The following GSN variants were observed in gnomAD, a reference collection of about 807,000 sequenced individuals.
The protein encoded by GSN is actin-depolymerizing factor.
In GSN, 56 loss-of-function variants were observed where a neutral mutation model predicts 85.7. The observed-to-expected ratio is 0.65, with a 90% confidence interval of 0.53 to 0.82. The LOEUF is 0.82. GSN is among the 40% of genes least tolerant of loss of function. The pLI, the probability that GSN is intolerant of heterozygous loss-of-function variation, is 0.00. For missense variants in GSN, 857 were observed against 979.8 expected, an observed-to-expected ratio of 0.87 and a Z score of 1.67; for synonymous variants, 373 against 399.1, an observed-to-expected ratio of 0.93 and a Z score of 0.78.
intron 6 of GSN, among the ~76,000 whole-genome samples, chr9:121,256,935 G>A (rs1178847735): frequency 6.6e-6 from 1 of 152,024 alleles, no homozygotes; most frequent in African/African-American, 2.4e-5. Flanking sequence ...GAATTTGATA[G>A]TACAGTAAAT....
intron 5 of GSN, chr9:121,239,589 A>G (rs892809028): frequency 7.3e-6 from 2 of 275,396 alleles, no homozygotes; most frequent in African/African-American, 2.3e-5. Context: ...AATACTGTTC[A>G]TACCAACTAT....
chr9:121,298,211 A>T (rs2059398160), intron 2 of GSN, among the ~76,000 whole-genome samples: 1 of 151,844 alleles, frequency 6.6e-6, no homozygotes. Context: ...TGTGTTTCAT[A>T]CTGGACCCCT....
rs530946424 is a variant in GSN at position 121,234,658 on chromosome 9, C to T, written c.-389+3355C>T. Reference sequence around the variant, plus strand: ...CCTCAGGCTGTGGTGCTGGTGGAGGCACGAAGGGCAGGGAAAGCAAATCCA... The same window carrying T: ...CCTCAGGCTGTGGTGCTGGTGGAGGTACGAAGGGCAGGGAAAGCAAATCCA... On this transcript the variant is annotated intron_variant, in intron 5 of 24. Coordinates refer to the GSN transcript ENST00000373823. 7.9e-5 allele frequency among the ~76,000 whole-genome samples: 12 copies of T among 152,210 alleles called. No individual in the cohort carries two copies. The East Asian group carries it at 2.3e-3, about 29-fold the overall frequency.
At chr9:121,260,311 C>T (rs1038435712) in intron 6 of GSN, among the ~76,000 whole-genome samples, 18 of 152,210 alleles carry the variant, frequency 1.2e-4, no homozygotes, top group Non-Finnish European at 8.8e-5. Context: ...AAATCTCCAT[C>T]GGGGAAACGT....
At chr9:121,282,693 G>A in intron 2 of GSN, 6 of 422,382 alleles carry the variant, frequency 1.4e-5, no homozygotes, top group Non-Finnish European at 2.6e-5. Context: ...CCCTAGTGCT[G>A]CCCTAATAGG....
intron 1 of GSN, among the ~76,000 whole-genome samples, chr9:121,276,619 C>G (rs752291468): frequency 9.9e-5 from 15 of 152,238 alleles, no homozygotes; most frequent in Admixed American, 2.0e-4. Context: ...TGGCTCTACC[C>G]TCTCACTTCA....
Position 121,314,040 on chromosome 9 carries a change from C to T in GSN, c.753+17C>T. The T allele has an allele frequency of 1.3e-6, 2 of 1,588,394 alleles. No homozygotes were observed. The highest frequency in any genetic ancestry group is 1.1e-5 in the South Asian group (1 of 90,636). ...CTCTACAAGGTGAGCACCAGATGCACTGTCTGCCTGGGCATGGGGTCAGGA... is the reference window on the plus strand; with the variant it reads ...CTCTACAAGGTGAGCACCAGATGCATTGTCTGCCTGGGCATGGGGTCAGGA... On this transcript the variant is annotated intron_variant, in intron 7 of 17. Transcript: ENST00000432226.
chr9:121,236,169 C>G (rs754106203), intron 5 of GSN, among the ~76,000 whole-genome samples: 1 of 152,112 alleles, frequency 6.6e-6, no homozygotes, highest in African/African-American at 2.4e-5. Context: ...CTCTAATTCT[C>G]TCTTTTTTTT....
Position 121,224,321 on chromosome 9 carries a change from G to A in GSN, c.-527-6844G>A, listed in dbSNP as rs547400676. Among the ~76,000 whole-genome samples, 191 of 151,494 alleles carry A rather than the reference G, an allele frequency of 1.3e-3. 1 individual carries two copies. The highest frequency in any genetic ancestry group is 0.011 in the Admixed American group (174 of 15,250). On this transcript the variant is annotated intron_variant, in intron 4 of 24. Coordinates refer to the GSN transcript ENST00000373823. ...TTACTGTGTTAGCCAGGATGGTCTC[G>A]ATCTCTTGACCTTGTGATCTGCCTG...
intron 2 of GSN, chr9:121,285,065 A>T (rs2057907241): frequency 6.0e-6 from 1 of 167,154 alleles, no homozygotes; most frequent in Non-Finnish European, 1.5e-5. Context: ...TGGGCCTGAA[A>T]CATCACCGTA....
rs2133841403 is a variant in GSN, at chr9:121,324,792, TC to T, written c.1416+150del. The T allele has an allele frequency of 7.5e-6, 5 of 668,436 alleles. No homozygotes were observed. The South Asian group carries it at 7.9e-5, about 11-fold the overall frequency. The allele number at this position is 668,436 out of a possible 1,614,324, so 41.4% of individuals were successfully genotyped here. ...ATCCATCCATCCATCCATCCATCCATCCATGGAACAGGTATTTATTTAGGGC... is the reference window on the plus strand; with the variant it reads ...ATCCATCCATCCATCCATCCATCCATCATGGAACAGGTATTTATTTAGGGC... On this transcript the variant is annotated intron_variant, in intron 12 of 17. Transcript: ENST00000432226.
chr9:121,224,843 G>A (rs1194550443), intron 4 of GSN, among the ~76,000 whole-genome samples: 2 of 151,570 alleles, frequency 1.3e-5, no homozygotes, highest in Admixed American at 6.6e-5. Context: ...TATTGAGACA[G>A]GGTCTCACTC....
Position 121,281,508 on chromosome 9 carries a change from T to C in GSN, c.-64T>C. On this transcript the variant is annotated 5_prime_UTR_variant, in exon 2 of 18. Coordinates refer to ENST00000432226, the MANE Select transcript of GSN (RefSeq NM_198252.3). The stretch of plus-strand genomic sequence containing the variant: ...CTCTCTTTGTCCAGTGCTTCGGCCT[T>C]GGTCCCAGCGCCTTCCCACGGAGCA... 1 of 398,900 alleles carries C rather than the reference T, an allele frequency of 2.5e-6. No individual in the cohort carries two copies. The allele number at this position is 398,900 out of a possible 1,614,324, so 24.7% of individuals were successfully genotyped here. A position where few individuals can be genotyped will look rare whatever the true frequency, so the allele number is the denominator to read the frequency against.
At position 121,317,230 on chromosome 9, in the gene GSN, A is replaced by C. The variant is rs201952723; in HGVS notation, c.886+12A>C. ...CTTTGTCTGGAAAGGTACTGGAGACAGGGAAAGGGTCCCAACTGGCCTGTA... is the reference window on the plus strand; with the variant it reads ...CTTTGTCTGGAAAGGTACTGGAGACCGGGAAAGGGTCCCAACTGGCCTGTA... On this transcript the variant is annotated intron_variant, in intron 8 of 17. Coordinates refer to ENST00000432226, the MANE Select transcript of GSN (RefSeq NM_198252.3). The C allele has an allele frequency of 1.2e-4, 199 of 1,613,846 alleles. No individual in the cohort carries two copies. Among genetic ancestry groups the C allele is most frequent in the Non-Finnish European group, 1.7e-4 (195 of 1,179,912 alleles).
rs375622815 is a variant in GSN, at chr9:121,302,888, C to G, written c.197-23C>G. On this transcript the variant is annotated intron_variant, in intron 3 of 17. Coordinates refer to ENST00000432226, the MANE Select transcript of GSN (RefSeq NM_198252.3). ...TGGGATACTTCTGGAAAGCCAGGCT[C>G]ATATTGCTCTGATGTCCCGTAGGCA... 6.8e-6 allele frequency: 11 copies of G among 1,612,590 alleles called. No individual in the cohort carries two copies. The Admixed American group carries it at 1.7e-4, about 24-fold the overall frequency.
In GSN at chr9:121,234,387, G is replaced by T. The variant is rs79678732; in HGVS notation, c.-389+3084G>T. Among the ~76,000 whole-genome samples the T allele has an allele frequency of 6.1e-3, 926 of 152,302 alleles. 13 individuals are homozygous for T. Among genetic ancestry groups the T allele is most frequent in the African/African-American group, 0.021 (860 of 41,562 alleles). On this transcript the variant is annotated intron_variant, in intron 5 of 24. Coordinates refer to the GSN transcript ENST00000373823. ...GAAATGGCATCACATATGGGATGCT[G>T]ACTCACAGCACCGATCCCTTCCGGA... is the stretch of plus-strand genomic sequence containing the variant.
At chr9:121,212,530 T>C (rs2132076902) in intron 4 of GSN, among the ~76,000 whole-genome samples, 1 of 152,350 alleles carries the variant, frequency 6.6e-6, no homozygotes, top group Admixed American at 6.5e-5. Context: ...ATTGCTTCAG[T>C]ACAGATTAGA....
At chr9:121,269,834 G>A in intron 1 of GSN, among the ~76,000 whole-genome samples, 1 of 152,286 alleles carries the variant, frequency 6.6e-6, no homozygotes, top group Non-Finnish European at 1.5e-5. Flanking sequence ...AGGAGGGGTG[G>A]CTGCAGGGTT....
chr9:121,312,561 T>G, intron 6 of GSN, 73 bp downstream of exon 6: 1 of 1,255,430 alleles, frequency 8.0e-7, no homozygotes, highest in Admixed American at 2.6e-5. Flanking sequence ...CAGTAGGCAA[T>G]TTGAGGTGAA....
Sources: gnomAD v4.1 joint callset for allele counts (sites outside exome capture counted in the v4.1 genomes callset) on GRCh38, gnomAD v4.1.1 for gene constraint, MANE v1.5 for transcripts, NCBI Gene and HGNC (gene_info 2026-07-23, HGNC 2026-07-21) for gene names.